Variants in SMC6 observed in about 807,000 individuals in gnomAD.
SMC6 encodes the protein structural maintenance of chromosomes protein 6.
Under a neutral mutation model 142.2 loss-of-function variants are expected in SMC6, and 79 were observed. That is an observed-to-expected ratio of 0.56 (90% CI 0.46 to 0.67). The LOEUF (loss-of-function observed/expected upper bound fraction) is 0.67, where lower values mean the gene tolerates loss of function less well. Among genes scored for constraint, SMC6 ranks in the 30% least tolerant of loss-of-function variants. SMC6 has a pLI of 0.00. For missense variants in SMC6, 1,072 were observed against 1,284.0 expected, an observed-to-expected ratio of 0.83 and a Z score of 2.52; for synonymous variants, 411 against 412.4, an observed-to-expected ratio of 1.00 and a Z score of 0.04.
chr2:17,682,385 G>T (rs1360321197), intron 24 of SMC6, among the ~76,000 whole-genome samples: 1 of 152,108 alleles, frequency 6.6e-6, no homozygotes, highest in Admixed American at 6.5e-5. Context: ...GCTCTTCACC[G>T]ACAGAGGACA....
At chr2:17,733,630 A>G (rs1670011245) in intron 5 of SMC6, among the ~76,000 whole-genome samples, 1 of 152,244 alleles carries the variant, frequency 6.6e-6, no homozygotes, top group Admixed American at 6.5e-5. Flanking sequence ...AAATTAAGAC[A>G]TGATGAAGTC....
intron 16 of SMC6, chr2:17,713,486 G>A: frequency 2.1e-6 from 1 of 471,098 alleles, no homozygotes; most frequent in South Asian, 1.5e-5. Context: ...CACACAATGT[G>A]CCAGCAAGGC....
At position 17,665,524 on chromosome 2, in the gene SMC6, T is replaced by C; in HGVS notation, c.3251A>G (p.Gln1084Arg). The C allele has an allele frequency of 1.2e-6, 2 of 1,609,644 alleles. No homozygotes were observed. The highest frequency in any genetic ancestry group is 1.7e-6 in the Non-Finnish European group (2 of 1,177,520). ...TCACCTTTGGTCATCATCTTCTTCT[T>C]GAGTCACAGGTCTGAAAGGCAATGT... is the stretch of plus-strand genomic sequence containing the variant. ...QTTLPFRPVT[Q>R]EEDDDQR The change falls in exon 28 of 28, where the codon CAA becomes CGA. Residue 1084 changes from glutamine (Q) to arginine (R), a missense_variant. Transcript: ENST00000448223.
At chr2:17,694,847 T>C (rs1667915532) in intron 23 of SMC6, among the ~76,000 whole-genome samples, 1 of 152,200 alleles carries the variant, frequency 6.6e-6, no homozygotes, top group South Asian at 2.1e-4. Context: ...GAAAAATGGC[T>C]TCTGTTTTGA....
intron 23 of SMC6, among the ~76,000 whole-genome samples, chr2:17,691,966 G>T (rs1217946367): frequency 3.3e-5 from 5 of 152,164 alleles, no homozygotes; most frequent in Non-Finnish European, 7.3e-5. Flanking sequence ...TTGCTTCAAA[G>T]AGAATAAAAT....
intron 3 of SMC6, 64 bp downstream of exon 3, chr2:17,745,763 G>A: frequency 1.3e-6 from 2 of 1,481,568 alleles, no homozygotes; most frequent in Non-Finnish European, 1.8e-6. Context: ...ATCACAGAAT[G>A]TGATATGATG....
At chr2:17,718,815 C>T (rs1309741053) in intron 11 of SMC6, among the ~76,000 whole-genome samples, 2 of 152,074 alleles carry the variant, frequency 1.3e-5, no homozygotes, top group Non-Finnish European at 2.9e-5. Flanking sequence ...AGAAGGGCCT[C>T]GCATTCTACA....
At chr2:17,666,389 G>C (rs1666497374) in intron 27 of SMC6, 31 bp downstream of exon 27, 2 of 1,446,104 alleles carry the variant, frequency 1.4e-6, no homozygotes, top group Non-Finnish European at 1.9e-6. Flanking sequence ...TTATATACTT[G>C]ATATGTATCT....
At chr2:17,720,175 A>G (rs1669300747) in intron 11 of SMC6, among the ~76,000 whole-genome samples, 2 of 152,218 alleles carry the variant, frequency 1.3e-5, no homozygotes, top group African/African-American at 4.8e-5. Context: ...ATTATGTGGT[A>G]TATGAATGAT....
intron 23 of SMC6, among the ~76,000 whole-genome samples, chr2:17,693,131 C>T (rs1365967929): frequency 6.6e-6 from 1 of 152,162 alleles, no homozygotes; most frequent in East Asian, 1.9e-4. Context: ...AGTTCAACCA[C>T]TGTGGAAGTC....
intron 4 of SMC6, among the ~76,000 whole-genome samples, chr2:17,740,510 T>C (rs527397988): frequency 2.0e-5 from 3 of 152,272 alleles, no homozygotes; most frequent in African/African-American, 7.2e-5. Flanking sequence ...TTGTCCACAA[T>C]GTGGTCAGTT....
At chr2:17,720,225 A>G (rs896947765) in intron 11 of SMC6, among the ~76,000 whole-genome samples, 4 of 152,210 alleles carry the variant, frequency 2.6e-5, no homozygotes, top group Non-Finnish European at 4.4e-5. Flanking sequence ...AGTGAGTATA[A>G]AGAGTGGATC....
Position 17,718,232 on chromosome 2 carries a change from A to G in SMC6, c.946-9T>C. On this transcript the variant is annotated splice_polypyrimidine_tract_variant and intron_variant, in intron 11 of 27. Coordinates refer to ENST00000448223, the MANE Select transcript of SMC6 (RefSeq NM_001142286.2). The stretch of plus-strand genomic sequence containing the variant: ...GCCTCATTAAGTCTGACCTTTAAGA[A>G]AATAACATTATTGAAGTATATTTTT... 6.4e-7 allele frequency: 1 copy of G among 1,568,886 alleles called. No homozygotes were observed. The highest frequency in any genetic ancestry group is 2.3e-5 in the East Asian group (1 of 43,892).
In SMC6 at chr2:17,693,479, G is replaced by T. The variant is rs548621015; in HGVS notation, c.2678+1673C>A. Among the ~76,000 whole-genome samples the T allele has an allele frequency of 1.4e-4, 21 of 152,146 alleles. No individual in the cohort carries two copies. In the South Asian group the frequency reaches 4.2e-3, roughly 30 times the overall value. On this transcript the variant is annotated intron_variant, in intron 23 of 27. Coordinates refer to ENST00000448223, the MANE Select transcript of SMC6 (RefSeq NM_001142286.2). ...CAAACACTGCATGTTCTCACTCATA[G>T]GTGGGAATTGAACAACGAGAACACA...
intron 26 of SMC6, among the ~76,000 whole-genome samples, chr2:17,668,689 A>C (rs1666616146): frequency 3.3e-5 from 5 of 152,166 alleles, no homozygotes. Context: ...CAGAAGTCTC[A>C]TAAAAGTGGC....
chr2:17,701,166 CAGGGTAAAGCT>C (rs761314642), intron 20 of SMC6, among the ~76,000 whole-genome samples: 1 of 151,578 alleles, frequency 6.6e-6, no homozygotes, highest in Non-Finnish European at 1.5e-5. Context: ...AAATTCTAAT[CAGGGTAAAGCT>C]TCACTAGCAC....
At chr2:17,690,618 A>G (rs534489713) in intron 23 of SMC6, among the ~76,000 whole-genome samples, 2 of 152,138 alleles carry the variant, frequency 1.3e-5, no homozygotes, top group East Asian at 3.9e-4. Context: ...AAAACCAAAA[A>G]AACAAAAAAA....
chr2:17,711,980 A>T lies in SMC6; in HGVS notation c.1730+2881T>A, dbSNP rs146358039. On this transcript the variant is annotated intron_variant, in intron 16 of 27. Coordinates refer to ENST00000448223, the MANE Select transcript of SMC6 (RefSeq NM_001142286.2). ...AAGATATAAAGTGAGAAGTTATAAC[A>T]GACTATGAAGAGAGCTGTGCGGAGC... Among the ~76,000 whole-genome samples the T allele has an allele frequency of 2.1e-3, 315 of 152,350 alleles. 1 individual carries two copies. The highest frequency in any genetic ancestry group is 0.01 in the South Asian group (49 of 4,830).
chr2:17,708,646 A>G lies in SMC6; in HGVS notation c.1838T>C (p.Leu613Pro). 6.7e-7 allele frequency: 1 copy of G among 1,489,144 alleles called. No homozygotes were observed. The highest frequency in any genetic ancestry group is 9.0e-7 in the Non-Finnish European group (1 of 1,113,428). 92.2% of individuals were successfully genotyped at this position (1,489,144 alleles called of 1,614,324 possible). A position where few individuals can be genotyped will look rare whatever the true frequency, so the allele number is the denominator to read the frequency against. ...AAGATCTGGAGGTCTTACTTTGATTAGTAGCACTGTCTCTATGCCTCTCAT... is the reference window on the plus strand; with the variant it reads ...AAGATCTGGAGGTCTTACTTTGATTGGTAGCACTGTCTCTATGCCTCTCAT... Reference protein sequence around the residue: ...IDMRGIETVLLIKNNSVARAV... With the variant: ...IDMRGIETVLPIKNNSVARAV... Residue 613 changes from leucine (L) to proline (P), a missense_variant, in exon 17 of 28, where the codon CTA becomes CCA. This residue lies in a region of SMC6 where 994 missense variants were observed against 1,153.2 expected (regional missense o/e 0.86). Transcript: ENST00000448223.
Sources: allele counts gnomAD v4.1 joint callset (sites outside exome capture counted in the v4.1 genomes callset), GRCh38; gene constraint gnomAD v4.1.1; regional missense constraint gnomAD v4.1.1; transcripts MANE v1.5; gene names NCBI Gene and HGNC (gene_info 2026-07-23, HGNC 2026-07-21).